TUT7: variants seen among roughly 807,000 people sequenced by gnomAD.
TUT7 encodes terminal uridylyltransferase 7.
TUT7 carries 33 observed loss-of-function variants against 165.9 expected under a neutral mutation model. The observed-to-expected ratio is 0.20, with a 90% CI of 0.15 to 0.27. The LOEUF is 0.27. Among genes scored for constraint, TUT7 ranks in the 10% least tolerant of loss-of-function variants. The pLI, the probability that TUT7 is intolerant of heterozygous loss-of-function variation, is 1.00. For synonymous variants in TUT7, 552 were observed against 608.1 expected, an observed-to-expected ratio of 0.91 and a Z score of 1.36; for missense variants, 1,338 against 1,762.3, an observed-to-expected ratio of 0.76 and a Z score of 4.31.
At chr9:86,316,229 A>G (rs1034486270) in intron 17 of TUT7, among the ~76,000 whole-genome samples, 9 of 152,344 alleles carry the variant, frequency 5.9e-5, no homozygotes, top group African/African-American at 1.9e-4. Flanking sequence ...AATTCTGTGC[A>G]TGGTTTACAA....
intron 2 of TUT7, among the ~76,000 whole-genome samples, chr9:86,351,178 G>A (rs971464093): frequency 6.0e-5 from 9 of 150,624 alleles, no homozygotes; most frequent in Non-Finnish European, 1.2e-4. Context: ...GCTCACGCCT[G>A]TAATCCCAGC....
chr9:86,294,840 A>G (rs1826175764), intron 26 of TUT7, among the ~76,000 whole-genome samples: 1 of 151,552 alleles, frequency 6.6e-6, no homozygotes, highest in Non-Finnish European at 1.5e-5. Flanking sequence ...TGCTGCACCC[A>G]TTAACTCGTC....
intron 24 of TUT7, 103 bp downstream of exon 24, chr9:86,304,753 A>G: frequency 1.4e-6 from 1 of 727,232 alleles, no homozygotes; most frequent in East Asian, 2.8e-5. Context: ...TACTTTGGCT[A>G]GACTCACAGA....
At position 86,336,211 on chromosome 9, in the gene TUT7, A is replaced by G. The variant is rs188113784; in HGVS notation, c.1455+1208T>C. Among the ~76,000 whole-genome samples, 36 of 152,294 alleles carry G rather than the reference A, an allele frequency of 2.4e-4. No individual in the cohort carries two copies. The South Asian group carries it at 6.8e-3, about 29-fold the overall frequency. On this transcript the variant is annotated intron_variant, in intron 10 of 26. Transcript: ENST00000375963. ...TGATTTAATCCTATCCTAAATTCCT[A>G]TCTCTCTTAGATCAAGGTGAAAGGA...
intron 10 of TUT7, among the ~76,000 whole-genome samples, chr9:86,333,131 T>G (rs1564080339): frequency 6.6e-6 from 1 of 152,222 alleles, no homozygotes; most frequent in Non-Finnish European, 1.5e-5. Flanking sequence ...AAAGTGATGT[T>G]TTTGTTTTAG....
intron 1 of TUT7, among the ~76,000 whole-genome samples, chr9:86,353,743 A>T (rs745344350): frequency 7.9e-5 from 12 of 152,186 alleles, no homozygotes; most frequent in Non-Finnish European, 1.5e-4. Flanking sequence ...TATTCTGGAC[A>T]GACCGGCTTT....
intron 15 of TUT7, 134 bp from the exon 16 acceptor site, chr9:86,319,192 A>G (rs1249800764): frequency 1.7e-6 from 1 of 605,826 alleles, no homozygotes; most frequent in African/African-American, 1.9e-5. Flanking sequence ...ATGTTCTCTG[A>G]TTAACTGGTC....
At chr9:86,348,354 A>G (rs1831956968) in intron 2 of TUT7, among the ~76,000 whole-genome samples, 1 of 152,210 alleles carries the variant, frequency 6.6e-6, no homozygotes, top group Non-Finnish European at 1.5e-5. Flanking sequence ...CAATCCTGCT[A>G]ATACTGTCCC....
At chr9:86,314,852 T>C (rs1342238387) in intron 17 of TUT7, among the ~76,000 whole-genome samples, 1 of 152,206 alleles carries the variant, frequency 6.6e-6, no homozygotes, top group Non-Finnish European at 1.5e-5. Context: ...ATCTTCTCAC[T>C]GCTCTCCAAA....
intron 26 of TUT7, among the ~76,000 whole-genome samples, chr9:86,296,979 CT>C (rs1408194702): frequency 6.6e-6 from 1 of 152,120 alleles, no homozygotes; most frequent in East Asian, 1.9e-4. Flanking sequence ...TAAATGTTTT[CT>C]TTTTTCTGGT....
intron 22 of TUT7, among the ~76,000 whole-genome samples, chr9:86,306,579 G>A (rs1352990822): frequency 6.6e-6 from 1 of 152,128 alleles, no homozygotes; most frequent in East Asian, 1.9e-4. Context: ...GGCTGAGGTG[G>A]GCTAATCACC....
intron 17 of TUT7, 111 bp downstream of exon 17, chr9:86,317,108 G>A: frequency 2.4e-6 from 2 of 850,140 alleles, no homozygotes; most frequent in Non-Finnish European, 3.8e-6. Context: ...AGGGAGGGTT[G>A]AGGGGTGATG....
intron 17 of TUT7, among the ~76,000 whole-genome samples, chr9:86,313,589 T>C (rs1442501241): frequency 6.6e-6 from 1 of 152,094 alleles, no homozygotes; most frequent in African/African-American, 2.4e-5. Context: ...AGCTGGTAAA[T>C]TGTGGAGCCG....
At chr9:86,341,936 ATC>A (rs924524754) in intron 6 of TUT7, among the ~76,000 whole-genome samples, 2 of 152,194 alleles carry the variant, frequency 1.3e-5, no homozygotes, top group African/African-American at 4.8e-5. Context: ...AAGAGGAACC[ATC>A]TCTGTTTTGT....
chr9:86,346,315 A>G lies in TUT7; in HGVS notation c.686T>C (p.Ile229Thr), dbSNP rs768097673. The G allele has an allele frequency of 5.0e-6, 8 of 1,613,526 alleles. No individual in the cohort carries two copies. The highest frequency in any genetic ancestry group is 4.5e-5 in the East Asian group (2 of 44,880). ...QAEERLKRDC[I>T]DRLKRRPRNY... Reference sequence around the variant, plus strand: ...GGATGTTACCCTTTTTAGCCTGTCAATGCAGTCTCTCTTCAGTCTCTCCTC... The same window carrying G: ...GGATGTTACCCTTTTTAGCCTGTCAGTGCAGTCTCTCTTCAGTCTCTCCTC... The change falls in exon 3 of 27, where the codon ATT becomes ACT. Residue 229 changes from isoleucine to threonine, a missense_variant. Physicochemically the swap from Ile to Thr is moderately conservative, Grantham distance 89. Transcript: ENST00000375963.
At chr9:86,350,478 A>T (rs1475047109) in intron 2 of TUT7, among the ~76,000 whole-genome samples, 1 of 152,258 alleles carries the variant, frequency 6.6e-6, no homozygotes, top group Non-Finnish European at 1.5e-5. Flanking sequence ...AGAAAAACAC[A>T]AATCAAAAGC....
At chr9:86,294,178 C>G (rs374359274) in intron 26 of TUT7, among the ~76,000 whole-genome samples, 1 of 150,964 alleles carries the variant, frequency 6.6e-6, no homozygotes, top group African/African-American at 2.4e-5. Context: ...TCCACCTGTC[C>G]TTTCTAATTC....
At chr9:86,304,315 AT>A (rs765016773) in intron 24 of TUT7, among the ~76,000 whole-genome samples, 3 of 152,186 alleles carry the variant, frequency 2.0e-5, no homozygotes, top group South Asian at 2.1e-4. Flanking sequence ...GTCCCTAGCC[AT>A]TTTTCTCTCA....
chr9:86,299,292 T>G (rs905131552), intron 26 of TUT7, among the ~76,000 whole-genome samples: 1 of 152,196 alleles, frequency 6.6e-6, no homozygotes, highest in Admixed American at 6.5e-5. Flanking sequence ...AAATTAGCAC[T>G]TTTTGTTCCT....
Sources: allele counts gnomAD v4.1 joint callset (sites outside exome capture counted in the v4.1 genomes callset), GRCh38; gene constraint gnomAD v4.1.1; transcripts MANE v1.5; gene names NCBI Gene and HGNC (gene_info 2026-07-23, HGNC 2026-07-21).